Variants in GABRG3 observed in about 807,000 individuals in gnomAD.
GABRG3 encodes gamma-aminobutyric acid type A receptor subunit gamma3.
Under a neutral mutation model 48.8 loss-of-function variants are expected in GABRG3, and 25 were observed. The observed-to-expected ratio is 0.51, with a 90% CI of 0.37 to 0.72. The LOEUF (loss-of-function observed/expected upper bound fraction) is 0.72, where lower values mean the gene tolerates loss of function less well. Among genes scored for constraint, GABRG3 ranks in the 30% least tolerant of loss-of-function variants. The probability of loss-of-function intolerance (pLI) is 0.00; values close to 1 mark genes in which losing one functional copy is unlikely to be tolerated. For synonymous variants in GABRG3, 227 were observed against 217.6 expected, an observed-to-expected ratio of 1.04 and a Z score of -0.38; for missense variants, 394 against 577.9, an observed-to-expected ratio of 0.68 and a Z score of 3.26.
chr15:27,004,070 C>T (rs1240679188), intron 2 of GABRG3, among the ~76,000 whole-genome samples: 12 of 145,962 alleles, frequency 8.2e-5, no homozygotes, highest in East Asian at 2.1e-4. Context: ...GCTGACCCGG[C>T]GGGGGGCTGA....
At chr15:27,448,257 C>G (rs1194609323) in intron 5 of GABRG3, among the ~76,000 whole-genome samples, 1 of 152,122 alleles carries the variant, frequency 6.6e-6, no homozygotes, top group Non-Finnish European at 1.5e-5. Flanking sequence ...TGGTTTTAGA[C>G]ACACTGAAAT....
chr15:26,978,287 C>T (rs1253380729), intron 2 of GABRG3, among the ~76,000 whole-genome samples: 1 of 151,812 alleles, frequency 6.6e-6, no homozygotes, highest in Non-Finnish European at 1.5e-5. Context: ...TGCTTTTCAT[C>T]CTTTTAATAG....
chr15:27,535,996 G>A lies in GABRG3; in HGVS notation c.*3115G>A, dbSNP rs1345470652. The A allele has an allele frequency of 5.9e-5, 9 of 152,264 alleles. No individual in the cohort carries two copies. The highest frequency in any genetic ancestry group is 5.9e-4 in the Admixed American group (9 of 15,288). 9.4% of individuals were successfully genotyped at this position (152,264 alleles called of 1,614,324 possible). On this transcript the variant is annotated 3_prime_UTR_variant, in exon 10 of 10. Transcript: ENST00000615808. Reference sequence around the variant, plus strand: ...GCAGAATTGGGAAATATTTGGGGTGGAAGTTGTCTGAGTGATCTGCATTCC... The same window carrying A: ...GCAGAATTGGGAAATATTTGGGGTGAAAGTTGTCTGAGTGATCTGCATTCC...
At chr15:27,348,395 C>G (rs1894450136) in intron 5 of GABRG3, among the ~76,000 whole-genome samples, 1 of 152,116 alleles carries the variant, frequency 6.6e-6, no homozygotes, top group African/African-American at 2.4e-5. Context: ...TGAGCACTTA[C>G]TAGTCTGAGA....
chr15:27,068,012 T>G lies in GABRG3; in HGVS notation c.270+41191T>G, dbSNP rs146466302. On this transcript the variant is annotated intron_variant, in intron 3 of 9. Transcript: ENST00000615808. The stretch of plus-strand genomic sequence containing the variant: ...TAGAGTGCACAGAAGAATACAGGAA[T>G]AGCAGAGAAAAGGAGCACATTAAAA... Among the ~76,000 whole-genome samples, 845 of 152,268 alleles carry G rather than the reference T, an allele frequency of 5.5e-3. 2 individuals carry two copies. The highest frequency in any genetic ancestry group is 9.1e-3 in the Non-Finnish European group (619 of 68,020).
intron 3 of GABRG3, among the ~76,000 whole-genome samples, chr15:27,119,640 C>T (rs1897698448): frequency 6.6e-6 from 1 of 152,174 alleles, no homozygotes; most frequent in Non-Finnish European, 1.5e-5. Context: ...GTGTTGTCAT[C>T]TAGAGTCTCA....
At position 26,976,898 on chromosome 15, in the gene GABRG3, G is replaced by A; in HGVS notation, c.54-104G>A. 2.6e-6 allele frequency: 3 copies of A among 1,147,592 alleles called. No homozygotes were observed. Among genetic ancestry groups the A allele is most frequent in the Non-Finnish European group, 3.8e-6 (3 of 787,332 alleles). 71.1% of individuals were successfully genotyped at this position (1,147,592 alleles called of 1,614,324 possible). On this transcript the variant is annotated intron_variant, in intron 1 of 9. Coordinates refer to ENST00000615808, the MANE Select transcript of GABRG3 (RefSeq NM_033223.5). The surrounding 1 kb of genome is among the most constrained non-coding windows in gnomAD (Gnocchi z 7.8). ...CGTGTGTGGTTGGGCTGTGGGTACTGGGGACTTTCTACCCATTTCATGGTA... is the reference window on the plus strand; with the variant it reads ...CGTGTGTGGTTGGGCTGTGGGTACTAGGGACTTTCTACCCATTTCATGGTA...
intron 5 of GABRG3, among the ~76,000 whole-genome samples, chr15:27,386,495 G>A (rs564221357): frequency 3.9e-5 from 6 of 151,982 alleles, no homozygotes; most frequent in East Asian, 3.9e-4. Flanking sequence ...GTTTGTCACC[G>A]AGATCTATAT....
chr15:27,346,234 T>C (rs1337713242), intron 5 of GABRG3, among the ~76,000 whole-genome samples: 2 of 152,148 alleles, frequency 1.3e-5, no homozygotes, highest in African/African-American at 4.8e-5. Context: ...TCTTTCAACA[T>C]TTTAAATATT....
At chr15:27,130,789 A>G (rs2053918852) in intron 3 of GABRG3, among the ~76,000 whole-genome samples, 1 of 152,022 alleles carries the variant, frequency 6.6e-6, no homozygotes, top group African/African-American at 2.4e-5. Context: ...TGTAAATGGA[A>G]TTGTTTCTTA....
At chr15:27,451,729 A>G (rs1889118434) in intron 5 of GABRG3, among the ~76,000 whole-genome samples, 1 of 152,208 alleles carries the variant, frequency 6.6e-6, no homozygotes, top group Non-Finnish European at 1.5e-5. Flanking sequence ...AAAGGAAACA[A>G]TCAACAAAGT....
In GABRG3 at chr15:27,002,539, A is replaced by G. The variant is rs188277080; in HGVS notation, c.203-24215A>G. On this transcript the variant is annotated intron_variant, in intron 2 of 9. Transcript: ENST00000615808. ...TGCAGCATTTCATTTTTTTCTTTAG[A>G]TATTATTTTTATTTTTAAGCTAAGA... Among the ~76,000 whole-genome samples the G allele has an allele frequency of 3.2e-3, 492 of 152,156 alleles. 3 individuals carry two copies. Among genetic ancestry groups the G allele is most frequent in the Middle Eastern group, 0.017 (5 of 294 alleles).
At chr15:27,315,719 A>G (rs1893190131) in intron 3 of GABRG3, among the ~76,000 whole-genome samples, 1 of 152,218 alleles carries the variant, frequency 6.6e-6, no homozygotes, top group African/African-American at 2.4e-5. Context: ...TGGTAACACC[A>G]TTTTTATAAG....
At chr15:27,303,703 A>T (rs1424262872) in intron 3 of GABRG3, among the ~76,000 whole-genome samples, 2 of 151,530 alleles carry the variant, frequency 1.3e-5, no homozygotes, top group Non-Finnish European at 3.0e-5. Context: ...GTATATATAT[A>T]TATCCATGTG....
intron 6 of GABRG3, chr15:27,481,048 C>T (rs1427244921): frequency 8.0e-7 from 1 of 1,255,086 alleles, no homozygotes; most frequent in Non-Finnish European, 1.0e-6. Flanking sequence ...TAACCTAACT[C>T]ATTACTGACC....
Position 27,307,728 on chromosome 15 carries a change from A to AATATATAATCATAGGTTTATATATTT in GABRG3, c.271-19057_271-19056insTTATATATAATCATAGGTTTATATAT, listed in dbSNP as rs1260343237. On this transcript the variant is annotated intron_variant, in intron 3 of 9. Coordinates refer to ENST00000615808, the MANE Select transcript of GABRG3 (RefSeq NM_033223.5). ...ATATAAACCTATAGGTTTATATATA[A>AATATATAATCATAGGTTTATATATTT]ATATATAATCATAGGTTTATATATA... 3.0e-3 allele frequency among the ~76,000 whole-genome samples: 377 copies of AATATATAATCATAGGTTTATATATTT among 125,672 alleles called. 3 individuals are homozygous for AATATATAATCATAGGTTTATATATTT. Among genetic ancestry groups the AATATATAATCATAGGTTTATATATTT allele is most frequent in the African/African-American group, 0.011 (358 of 31,814 alleles). The allele number at this position is 125,672 out of a possible 152,430, so 82.4% of individuals were successfully genotyped here.
chr15:27,498,887 T>C (rs1566867944), intron 6 of GABRG3, among the ~76,000 whole-genome samples: 1 of 152,204 alleles, frequency 6.6e-6, no homozygotes, highest in Non-Finnish European at 1.5e-5. Context: ...TTTACAGTTT[T>C]CACGGTGATC....
intron 3 of GABRG3, among the ~76,000 whole-genome samples, chr15:27,049,557 A>G (rs549955601): frequency 1.3e-5 from 2 of 152,320 alleles, no homozygotes; most frequent in South Asian, 2.1e-4. Context: ...GCCAGTGATC[A>G]TGGTCACGGA....
intron 5 of GABRG3, among the ~76,000 whole-genome samples, chr15:27,407,223 G>T (rs532139553): frequency 6.6e-6 from 1 of 152,132 alleles, no homozygotes; most frequent in African/African-American, 2.4e-5. Context: ...ACCGCGCTCG[G>T]CTCTAAAGCA....
Sources: gnomAD v4.1 joint callset for allele counts (sites outside exome capture counted in the v4.1 genomes callset) on GRCh38, gnomAD v4.1.1 for gene constraint, Gnocchi (gnomAD v3.1) non-coding constraint, MANE v1.5 for transcripts, NCBI Gene and HGNC (gene_info 2026-07-23, HGNC 2026-07-21) for gene names.